The following TEX11 variants were observed in gnomAD, a reference collection of about 807,000 sequenced individuals.
TEX11 encodes testis-expressed protein 11.
A neutral mutation model predicts 84.4 loss-of-function variants in TEX11; 7 were observed. The observed-to-expected ratio is 0.08, with a 90% CI of 0.05 to 0.16. The LOEUF (loss-of-function observed/expected upper bound fraction) is 0.16. Among genes scored for constraint, TEX11 ranks in the 10% least tolerant of loss-of-function variants. TEX11 has a pLI of 1.00. For synonymous variants in TEX11, 264 were observed against 222.8 expected, an observed-to-expected ratio of 1.18 and a Z score of -1.64; for missense variants, 551 against 660.5, an observed-to-expected ratio of 0.83 and a Z score of 1.82.
the TEX11 span, among the ~76,000 whole-genome samples, chrX:70,514,593 T>TAA: frequency 0.02 from 1,759 of 88,359 alleles, 32 homozygotes; most frequent in African/African-American, 0.048. Flanking sequence ...AGACTCCATC[T>TAA]AAAAAAAAAA....
At chrX:70,614,564 C>T (rs1036145334) in intron 20 of TEX11, among the ~76,000 whole-genome samples, 3 of 111,955 alleles carry the variant, frequency 2.7e-5, no homozygotes, top group African/African-American at 9.7e-5. Flanking sequence ...TCTCTGGACT[C>T]ACCTGGGGCC....
At chrX:70,886,883 A>G (rs776911989) in intron 2 of TEX11, among the ~76,000 whole-genome samples, 11 of 111,778 alleles carry the variant, frequency 9.8e-5, no homozygotes, top group Non-Finnish European at 2.1e-4. Flanking sequence ...GCTAATCACA[A>G]AGGAATTTCC....
At chrX:70,746,881 C>T (rs2147751613) in intron 9 of TEX11, among the ~76,000 whole-genome samples, 1 of 111,972 alleles carries the variant, frequency 8.9e-6, no homozygotes, top group South Asian at 3.7e-4. Flanking sequence ...ATTCTGCACC[C>T]ACTCACGCAC....
chrX:70,780,846 A>T (rs1435175198), intron 9 of TEX11, among the ~76,000 whole-genome samples: 1 of 112,521 alleles, frequency 8.9e-6, no homozygotes, highest in East Asian at 2.8e-4. Flanking sequence ...AGCAAGGCCC[A>T]CTGCCTCTAT....
At chrX:70,608,769 C>T (rs944733497) in intron 22 of TEX11, among the ~76,000 whole-genome samples, 3 of 108,056 alleles carry the variant, frequency 2.8e-5, no homozygotes, top group Non-Finnish European at 5.7e-5. Flanking sequence ...ATTAAGTATT[C>T]TAAACCAAGT....
chrX:70,655,847 T>A (rs928931238), intron 16 of TEX11, among the ~76,000 whole-genome samples: 4 of 111,075 alleles, frequency 3.6e-5, no homozygotes, highest in Non-Finnish European at 7.5e-5. Flanking sequence ...TAATACCGTA[T>A]CTATACAACA....
At chrX:70,627,466 G>C (rs924623563) in intron 18 of TEX11, among the ~76,000 whole-genome samples, 2 of 111,649 alleles carry the variant, frequency 1.8e-5, no homozygotes, top group African/African-American at 6.5e-5. Context: ...TATGGTGGCA[G>C]TTGAGAAGGC....
intron 27 of TEX11, 112 bp downstream of exon 27, chrX:70,553,194 G>T: frequency 2.3e-6 from 1 of 442,972 alleles, no homozygotes; most frequent in Non-Finnish European, 3.8e-6. Flanking sequence ...AATGCCCCCA[G>T]ATCATCCCCA....
intron 4 of TEX11, among the ~76,000 whole-genome samples, chrX:70,869,137 A>AAAATAAAAT (rs2091617803): frequency 9.4e-6 from 1 of 105,960 alleles, no homozygotes; most frequent in African/African-American, 3.6e-5. Context: ...TAAAGAAAAG[A>AAAATAAAAT]AAAAGAAAAT....
chrX:70,621,652 A>C (rs1383052663), intron 20 of TEX11, among the ~76,000 whole-genome samples: 2 of 99,250 alleles, frequency 2.0e-5, no homozygotes, highest in Admixed American at 2.3e-4. Context: ...ATGAATACGA[A>C]AGTATTGGCA....
At chrX:70,726,600 G>A (rs996983979) in intron 11 of TEX11, among the ~76,000 whole-genome samples, 16 of 110,351 alleles carry the variant, frequency 1.4e-4, no homozygotes, top group Non-Finnish European at 2.7e-4. Flanking sequence ...GCACAATCTC[G>A]GCTCACTGCA....
intron 15 of TEX11, among the ~76,000 whole-genome samples, chrX:70,674,207 A>C (rs2090049420): frequency 8.9e-6 from 1 of 112,332 alleles, no homozygotes; most frequent in Non-Finnish European, 1.9e-5. Context: ...CAGCTCCATC[A>C]ATGTTCCCGC....
chrX:70,849,054 T>C (rs751755390), intron 7 of TEX11, among the ~76,000 whole-genome samples: 2 of 112,362 alleles, frequency 1.8e-5, no homozygotes, highest in East Asian at 5.6e-4. Context: ...GGCACTTGCA[T>C]ACACAGAAAA....
chrX:70,729,810 G>A (rs1208677141), intron 11 of TEX11, among the ~76,000 whole-genome samples: 4 of 110,561 alleles, frequency 3.6e-5, no homozygotes, highest in African/African-American at 1.3e-4. Context: ...TACAGAGAAC[G>A]CCACAAAGAT....
intron 25 of TEX11, among the ~76,000 whole-genome samples, chrX:70,568,321 C>T (rs1408740604): frequency 9.0e-6 from 1 of 110,611 alleles, no homozygotes; most frequent in African/African-American, 3.3e-5. Context: ...GATGGGTTTC[C>T]TGAATACAGC....
intron 20 of TEX11, among the ~76,000 whole-genome samples, chrX:70,617,917 C>T (rs1436499373): frequency 8.9e-6 from 1 of 112,266 alleles, no homozygotes; most frequent in Non-Finnish European, 1.9e-5. Context: ...CTGCTGGATT[C>T]TATTGTCATT....
At chrX:70,665,456 T>G (rs758861476) in intron 16 of TEX11, among the ~76,000 whole-genome samples, 1 of 111,802 alleles carries the variant, frequency 8.9e-6, no homozygotes, top group Admixed American at 9.5e-5. Context: ...AAAATCAGGA[T>G]ACCAGGCTTA....
intron 12 of TEX11, among the ~76,000 whole-genome samples, chrX:70,722,968 T>TAGAG (rs1304479535): frequency 9.0e-6 from 1 of 111,660 alleles, no homozygotes; most frequent in Admixed American, 9.6e-5. Context: ...AACACTGGGG[T>TAGAG]AGAGAGCTTG....
intron 16 of TEX11, among the ~76,000 whole-genome samples, chrX:70,662,938 G>A (rs1248203619): frequency 9.0e-6 from 1 of 110,984 alleles, no homozygotes; most frequent in African/African-American, 3.3e-5. Context: ...GGGTAAATTT[G>A]GGGTATAAAG....
Sources: allele counts gnomAD v4.1 joint callset (sites outside exome capture counted in the v4.1 genomes callset), GRCh38; gene constraint gnomAD v4.1.1; transcripts MANE v1.5; gene names NCBI Gene and HGNC (gene_info 2026-07-23, HGNC 2026-07-21).